Variants in LRRTM3 observed in about 807,000 individuals in gnomAD.
The protein encoded by LRRTM3 is leucine rich repeat transmembrane neuronal 3, also known as leucine-rich repeat transmembrane neuronal protein 3.
A neutral mutation model predicts 44.7 loss-of-function variants in LRRTM3; 24 were observed. The ratio of observed to expected loss-of-function variants is 0.54; its 90% CI spans 0.39 to 0.76. LRRTM3 has a LOEUF of 0.76. Among genes scored for constraint, LRRTM3 ranks in the 30% least tolerant of loss-of-function variants. The pLI is 0.00. For missense variants in LRRTM3, 587 were observed against 702.2 expected (o/e 0.84, Z 1.85); for synonymous variants, 277 against 278.7 (o/e 0.99, Z 0.06).
At chr10:66,998,210 C>T (rs1001050400) in intron 2 of LRRTM3, among the ~76,000 whole-genome samples, 4 of 152,208 alleles carry the variant, frequency 2.6e-5, no homozygotes, top group African/African-American at 9.6e-5. Flanking sequence ...ATCTACCTTC[C>T]CATATACTCC....
At chr10:66,941,028 A>G (rs956431236) in intron 2 of LRRTM3, among the ~76,000 whole-genome samples, 6 of 152,238 alleles carry the variant, frequency 3.9e-5, no homozygotes, top group African/African-American at 1.4e-4. Context: ...AATAAAAAAA[A>G]GAAAGCCCAA....
chr10:67,035,819 G>T (rs1197991009), intron 2 of LRRTM3, among the ~76,000 whole-genome samples: 1 of 151,998 alleles, frequency 6.6e-6, no homozygotes, highest in Non-Finnish European at 1.5e-5. Context: ...CATAGCTGAA[G>T]CATGCGTCTG....
intron 2 of LRRTM3, among the ~76,000 whole-genome samples, chr10:66,977,417 A>G (rs1850111821): frequency 7.5e-6 from 1 of 134,216 alleles, no homozygotes; most frequent in East Asian, 2.3e-4. Flanking sequence ...GCCTGGCGAT[A>G]GAGTGAAACT....
chr10:67,069,009 TCACCACTGAACTC>T (rs1297103598), intron 2 of LRRTM3, among the ~76,000 whole-genome samples: 1 of 151,620 alleles, frequency 6.6e-6, no homozygotes, highest in Non-Finnish European at 1.5e-5. Flanking sequence ...GCAGCTCAGA[TCACCACTGAACTC>T]CACTCTGGGC....
chr10:67,079,034 C>T (rs1856894042), intron 2 of LRRTM3, among the ~76,000 whole-genome samples: 1 of 152,122 alleles, frequency 6.6e-6, no homozygotes, highest in Non-Finnish European at 1.5e-5. Flanking sequence ...TCTTAATCCA[C>T]TTCAACTAGA....
chr10:67,021,628 T>C (rs571053741), intron 2 of LRRTM3, among the ~76,000 whole-genome samples: 14 of 152,250 alleles, frequency 9.2e-5, no homozygotes, highest in African/African-American at 3.4e-4. Flanking sequence ...AATAAAATTG[T>C]ATCTATACTA....
intron 2 of LRRTM3, among the ~76,000 whole-genome samples, chr10:66,955,887 G>A (rs1246213120): frequency 1.3e-5 from 2 of 152,094 alleles, no homozygotes; most frequent in Non-Finnish European, 2.9e-5. Context: ...TGACTGGGGG[G>A]TATCTTTCTC....
At chr10:66,964,170 A>G (rs1849275478) in intron 2 of LRRTM3, among the ~76,000 whole-genome samples, 1 of 152,142 alleles carries the variant, frequency 6.6e-6, no homozygotes, top group South Asian at 2.1e-4. Context: ...TTCTGTCCAC[A>G]GTAACATCGT....
intron 2 of LRRTM3, among the ~76,000 whole-genome samples, chr10:67,086,390 C>G (rs1367744268): frequency 2.6e-5 from 4 of 151,882 alleles, no homozygotes; most frequent in Admixed American, 2.6e-4. Flanking sequence ...CAACCAAAGT[C>G]TCAATTAATT....
intron 2 of LRRTM3, among the ~76,000 whole-genome samples, chr10:67,030,503 T>C (rs1469841441): frequency 6.6e-6 from 1 of 152,034 alleles, no homozygotes; most frequent in Non-Finnish European, 1.5e-5. Flanking sequence ...AAAAAATATA[T>C]AAATACATAA....
Position 67,072,574 on chromosome 10 carries a change from G to T in LRRTM3, c.1537-25013G>T, listed in dbSNP as rs539006305. 2.3e-4 allele frequency among the ~76,000 whole-genome samples: 35 copies of T among 152,256 alleles called. No individual in the cohort carries two copies. In the South Asian group the frequency reaches 7.3e-3, roughly 32 times the overall value. On this transcript the variant is annotated intron_variant, in intron 2 of 2. Coordinates refer to ENST00000361320, the MANE Select transcript of LRRTM3 (RefSeq NM_178011.5). ...GGCTGGACGTCTCAAGCCAACCAAG[G>T]ACTCAGCTGGGTTGGGGCTAGATTG...
At chr10:66,932,167 T>C (rs928482312) in intron 2 of LRRTM3, among the ~76,000 whole-genome samples, 2 of 152,142 alleles carry the variant, frequency 1.3e-5, no homozygotes, top group Non-Finnish European at 2.9e-5. Context: ...ACAATGATGT[T>C]ACAGTCTAAG....
intron 2 of LRRTM3, among the ~76,000 whole-genome samples, chr10:67,034,349 T>A (rs1455562162): frequency 6.6e-6 from 1 of 152,190 alleles, no homozygotes; most frequent in Non-Finnish European, 1.5e-5. Flanking sequence ...GCCTCACACT[T>A]GTAAGTGATG....
At chr10:67,092,353 A>G (rs571248084) in intron 2 of LRRTM3, among the ~76,000 whole-genome samples, 3 of 151,938 alleles carry the variant, frequency 2.0e-5, no homozygotes, top group African/African-American at 4.8e-5. Context: ...ACACTTACCA[A>G]GCAAACTAGA....
In LRRTM3 at chr10:66,981,435, A is replaced by G. The variant is rs535273901; in HGVS notation, c.1536+52983A>G. On this transcript the variant is annotated intron_variant, in intron 2 of 2. Coordinates refer to ENST00000361320, the MANE Select transcript of LRRTM3 (RefSeq NM_178011.5). The stretch of plus-strand genomic sequence containing the variant: ...GAGTCCCTTTGAATTGCCACTGACC[A>G]TATGACTTACCCATCCCCATTTCCA... Among the ~76,000 whole-genome samples the G allele has an allele frequency of 5.6e-4, 86 of 152,328 alleles. No individual in the cohort carries two copies. The South Asian group carries it at 0.015, about 27-fold the overall frequency.
chr10:66,994,209 A>T (rs1851202148), intron 2 of LRRTM3, among the ~76,000 whole-genome samples: 1 of 152,158 alleles, frequency 6.6e-6, no homozygotes, highest in African/African-American at 2.4e-5. Flanking sequence ...CTACCCAGGT[A>T]CTCCAGTGGT....
chr10:67,078,680 C>A (rs1856870688), intron 2 of LRRTM3, among the ~76,000 whole-genome samples: 1 of 152,054 alleles, frequency 6.6e-6, no homozygotes, highest in Non-Finnish European at 1.5e-5. Context: ...CCACACCTGG[C>A]TAATTCTTTG....
intron 2 of LRRTM3, 58 bp downstream of exon 2, chr10:66,928,510 T>C: frequency 6.7e-7 from 1 of 1,484,742 alleles, no homozygotes; most frequent in Non-Finnish European, 9.1e-7. Context: ...TGGTGCTTTA[T>C]TGAACTCTGG....
intron 2 of LRRTM3, among the ~76,000 whole-genome samples, chr10:66,953,129 T>C (rs1848623984): frequency 1.3e-5 from 2 of 152,174 alleles, no homozygotes; most frequent in African/African-American, 4.8e-5. Flanking sequence ...ACCTCGGTTA[T>C]CTTAATCATA....
Sources: allele counts gnomAD v4.1 joint callset (sites outside exome capture counted in the v4.1 genomes callset), GRCh38; gene constraint gnomAD v4.1.1; transcripts MANE v1.5; gene names NCBI Gene and HGNC (gene_info 2026-07-23, HGNC 2026-07-21).